NUAK1: variants seen among roughly 807,000 people sequenced by gnomAD.
NUAK1 encodes NUAK family kinase 1, also known as NUAK family SNF1-like kinase 1.
Under a neutral mutation model 56.9 loss-of-function variants are expected in NUAK1, and 26 were observed. The observed-to-expected ratio is 0.46, with a 90% CI of 0.33 to 0.63. NUAK1 has a LOEUF of 0.63. Among genes scored for constraint, NUAK1 ranks in the 30% least tolerant of loss-of-function variants. The pLI is 0.02. For missense variants in NUAK1, 727 were observed against 876.1 expected (o/e 0.83, Z 2.15); for synonymous variants, 337 against 336.0 (o/e 1.00, Z -0.03).
intron 1 of NUAK1, among the ~76,000 whole-genome samples, chr12:106,120,754 T>C (rs753121849): frequency 5.3e-5 from 8 of 152,134 alleles, no homozygotes; most frequent in Non-Finnish European, 1.0e-4. Flanking sequence ...TGACGCAAGA[T>C]AGCAAGAGGT....
intron 1 of NUAK1, among the ~76,000 whole-genome samples, chr12:106,134,454 G>A (rs2136486805): frequency 6.6e-6 from 1 of 152,320 alleles, no homozygotes; most frequent in Admixed American, 6.5e-5. Context: ...TAGTGGCCAG[G>A]GGCACCAGGG....
chr12:106,079,483 G>A (rs982014276), intron 4 of NUAK1, among the ~76,000 whole-genome samples: 5 of 152,148 alleles, frequency 3.3e-5, no homozygotes, highest in African/African-American at 9.7e-5. Flanking sequence ...GATCAGGGAA[G>A]GCTTCCTGGA....
chr12:106,087,804 G>A (rs565974104), intron 2 of NUAK1, among the ~76,000 whole-genome samples: 28 of 152,196 alleles, frequency 1.8e-4, no homozygotes, highest in African/African-American at 3.1e-4. Flanking sequence ...GCAGTTTGGC[G>A]TCAAAGATCA....
intron 2 of NUAK1, among the ~76,000 whole-genome samples, chr12:106,103,681 C>A (rs1313640801): frequency 6.6e-6 from 1 of 152,190 alleles, no homozygotes; most frequent in Non-Finnish European, 1.5e-5. Flanking sequence ...TATCTCCCCA[C>A]CCAAATCTCA....
chr12:106,120,030 T>C (rs1299208687), intron 1 of NUAK1, among the ~76,000 whole-genome samples: 1 of 152,202 alleles, frequency 6.6e-6, no homozygotes, highest in African/African-American at 2.4e-5. Context: ...GTATTTCCAC[T>C]TAACCAAAGC....
At chr12:106,122,953 G>A (rs1288375532) in intron 1 of NUAK1, among the ~76,000 whole-genome samples, 1 of 152,182 alleles carries the variant, frequency 6.6e-6, no homozygotes, top group Admixed American at 6.5e-5. Flanking sequence ...TATACCCAGA[G>A]CCTCGCATAA....
intron 4 of NUAK1, among the ~76,000 whole-genome samples, chr12:106,077,658 A>G (rs767164965): frequency 6.6e-6 from 1 of 151,904 alleles, no homozygotes; most frequent in African/African-American, 2.4e-5. Context: ...AGATAATCCC[A>G]CCCCACTCCA....
intron 1 of NUAK1, among the ~76,000 whole-genome samples, chr12:106,107,885 TTC>T (rs2032818320): frequency 6.6e-6 from 1 of 152,208 alleles, no homozygotes; most frequent in South Asian, 2.1e-4. Context: ...CTCCTGGGAT[TTC>T]TCCTTTGCAG....
intron 3 of NUAK1, among the ~76,000 whole-genome samples, chr12:106,085,325 G>A (rs76388948): frequency 0.017 from 2,543 of 152,326 alleles, 42 homozygotes; most frequent in Middle Eastern, 0.034. Context: ...TTCAAATCAT[G>A]AGCACATTTT....
intron 2 of NUAK1, among the ~76,000 whole-genome samples, chr12:106,090,571 C>T (rs972141380): frequency 3.3e-5 from 5 of 152,092 alleles, no homozygotes; most frequent in African/African-American, 7.2e-5. Flanking sequence ...ACAAAGAGTA[C>T]GAGGCATAGC....
At chr12:106,137,272 A>G (rs1279965718) in intron 1 of NUAK1, among the ~76,000 whole-genome samples, 1 of 152,114 alleles carries the variant, frequency 6.6e-6, no homozygotes, top group East Asian at 1.9e-4. Context: ...ATTTTATTTG[A>G]CAGCTCATTT....
chr12:106,093,649 C>T (rs1372850599), intron 2 of NUAK1, among the ~76,000 whole-genome samples: 2 of 152,102 alleles, frequency 1.3e-5, no homozygotes, highest in African/African-American at 4.8e-5. Context: ...ACGTGACAGC[C>T]GAATATACTG....
chr12:106,077,657 C>T (rs149717408), intron 4 of NUAK1, among the ~76,000 whole-genome samples: 6 of 152,304 alleles, frequency 3.9e-5, no homozygotes, highest in African/African-American at 1.2e-4. Flanking sequence ...TAGATAATCC[C>T]ACCCCACTCC....
chr12:106,127,009 C>G (rs1020902798), intron 1 of NUAK1, among the ~76,000 whole-genome samples: 4 of 152,206 alleles, frequency 2.6e-5, no homozygotes, highest in African/African-American at 9.7e-5. Flanking sequence ...CAAATAATAA[C>G]AAATAACACT....
At chr12:106,134,854 A>G (rs2033114621) in intron 1 of NUAK1, among the ~76,000 whole-genome samples, 1 of 152,172 alleles carries the variant, frequency 6.6e-6, no homozygotes, top group African/African-American at 2.4e-5. Flanking sequence ...GAATCTGGCT[A>G]ATTATCTCAT....
intron 2 of NUAK1, among the ~76,000 whole-genome samples, chr12:106,088,119 AG>A (rs1242091745): frequency 2.0e-5 from 3 of 152,240 alleles, no homozygotes; most frequent in Non-Finnish European, 4.4e-5. Context: ...GGCAGGGAGA[AG>A]GGAGGCCACA....
intron 4 of NUAK1, among the ~76,000 whole-genome samples, chr12:106,079,697 A>G (rs986241887): frequency 2.6e-5 from 4 of 152,226 alleles, no homozygotes; most frequent in Non-Finnish European, 5.9e-5. Context: ...CTCATCCTGC[A>G]TGGATTTTCT....
At chr12:106,097,638 G>A (rs2032708320) in intron 2 of NUAK1, among the ~76,000 whole-genome samples, 2 of 152,184 alleles carry the variant, frequency 1.3e-5, no homozygotes, top group Non-Finnish European at 2.9e-5. Context: ...AGTAACTGAT[G>A]CTAGAAATAC....
intron 2 of NUAK1, 88 bp from the exon 3 acceptor site, chr12:106,086,973 G>T: frequency 6.6e-7 from 1 of 1,505,916 alleles, no homozygotes; most frequent in Non-Finnish European, 9.0e-7. Context: ...GGACAACGGA[G>T]ATGTCGCCAG....
Sources: gnomAD v4.1 joint callset for allele counts (sites outside exome capture counted in the v4.1 genomes callset) on GRCh38, gnomAD v4.1.1 for gene constraint, MANE v1.5 for transcripts, NCBI Gene and HGNC (gene_info 2026-07-23, HGNC 2026-07-21) for gene names.